PLRG1: variants seen among roughly 807,000 people sequenced by gnomAD.
PLRG1 encodes the protein pleiotropic regulator 1 (PRL1 homolog, Arabidopsis).
Under a neutral mutation model 74.9 loss-of-function variants are expected in PLRG1, and 28 were observed. The observed-to-expected ratio is 0.37, with a 90% CI of 0.28 to 0.51. PLRG1 has a LOEUF of 0.51. Ranked by LOEUF, PLRG1 falls within the 20% of genes least tolerant of loss-of-function variation. PLRG1 has a pLI of 0.91. For missense variants in PLRG1, 445 were observed against 631.9 expected, an observed-to-expected ratio of 0.70 and a Z score of 3.17; for synonymous variants, 197 against 212.4, an observed-to-expected ratio of 0.93 and a Z score of 0.63.
chr4:154,548,976 A>G (rs1377428874), intron 1 of PLRG1, 41 bp from the exon 2 acceptor site: 7 of 1,126,060 alleles, frequency 6.2e-6, no homozygotes, highest in African/African-American at 3.0e-5. Flanking sequence ...TCTACAAATT[A>G]CACAAATCAT....
chr4:154,547,081 A>C lies in PLRG1; in HGVS notation c.260-17T>G, dbSNP rs769178404. ...CTTCTTGTCCTAAAAAAACACAAAAAAAATCAACAGTAGTGAATTTACCTT... is the reference window on the plus strand; with the variant it reads ...CTTCTTGTCCTAAAAAAACACAAAACAAATCAACAGTAGTGAATTTACCTT... On this transcript the variant is annotated splice_polypyrimidine_tract_variant and intron_variant, in intron 3 of 14. Transcript: ENST00000499023. The C allele has an allele frequency of 6.3e-6, 10 of 1,594,798 alleles. No homozygotes were observed. In the East Asian group the frequency reaches 2.0e-4, roughly 32 times the overall value.
chr4:154,537,224 G>T, intron 14 of PLRG1, 62 bp downstream of exon 14: 2 of 1,003,626 alleles, frequency 2.0e-6, no homozygotes, highest in African/African-American at 1.6e-5. Context: ...ATAATTAAAT[G>T]AGAATATGCT....
rs1729664074 is a variant in PLRG1, at chr4:154,546,826, T to A, written c.313+185A>T. 3 of 586,014 alleles carry A rather than the reference T, an allele frequency of 5.1e-6. No individual in the cohort carries two copies. The South Asian group carries it at 7.0e-5, about 14-fold the overall frequency. 36.3% of individuals were successfully genotyped at this position (586,014 alleles called of 1,614,324 possible). ...AGCACATTGCCTGAAAAATTATACG[T>A]ACTTAAGAATGTTTGCTGAATGAAG... is the stretch of plus-strand genomic sequence containing the variant. On this transcript the variant is annotated intron_variant, in intron 4 of 14. Coordinates refer to ENST00000499023, the MANE Select transcript of PLRG1 (RefSeq NM_002669.4).
Position 154,550,356 on chromosome 4 carries a change from T to G in PLRG1, c.-48A>C. The G allele has an allele frequency of 6.3e-7, 1 of 1,587,602 alleles. No individual in the cohort carries two copies. The highest frequency in any genetic ancestry group is 1.7e-5 in the Admixed American group (1 of 60,012). ...CCGGCAGGGAAGAAACTCTAATCAC[T>G]AACGCAGTACCCGCCGCCACAGCTG... On this transcript the variant is annotated 5_prime_UTR_variant, in exon 1 of 15. Transcript: ENST00000499023.
intron 2 of PLRG1, 76 bp from the exon 3 acceptor site, chr4:154,547,929 C>T (rs1396112542): frequency 3.5e-6 from 4 of 1,138,024 alleles, no homozygotes; most frequent in Admixed American, 2.7e-5. Context: ...TTTGCCCATT[C>T]ACGTAGAAAA....
chr4:154,547,915 TAA>T, intron 2 of PLRG1, 62 bp from the exon 3 acceptor site: 1 of 1,268,180 alleles, frequency 7.9e-7, no homozygotes, highest in Non-Finnish European at 1.1e-6. Context: ...ACACTTAGCT[TAA>T]GTTTGCCCAT....
At chr4:154,537,644 G>T in intron 13 of PLRG1, 165 bp from the exon 14 acceptor site, 1 of 553,124 alleles carries the variant, frequency 1.8e-6, no homozygotes, top group Non-Finnish European at 3.1e-6. Context: ...ACTTTCATTT[G>T]GGCTGGGTTC....
In PLRG1 at chr4:154,535,091, AAAGTT is replaced by A. The variant is rs1411438702; in HGVS notation, c.*1589_*1593del. On this transcript the variant is annotated 3_prime_UTR_variant, in exon 15 of 15. Transcript: ENST00000499023. ...ATAGAAATATGTAAAGCCACCCATG[AAAGTT>A]CTTCCATAATTCTGCTTCCTAACAA... 1 of 152,122 alleles carries A rather than the reference AAAGTT, an allele frequency of 6.6e-6. No individual in the cohort carries two copies. Among genetic ancestry groups the A allele is most frequent in the Non-Finnish European group, 1.5e-5 (1 of 68,006 alleles). The allele number at this position is 152,122 out of a possible 1,614,324, so 9.4% of individuals were successfully genotyped here. A position where few individuals can be genotyped will look rare whatever the true frequency, so the allele number is the denominator to read the frequency against.
chr4:154,540,230 A>G, intron 10 of PLRG1, 177 bp from the exon 11 acceptor site: 1 of 587,222 alleles, frequency 1.7e-6, no homozygotes, highest in Non-Finnish European at 3.0e-6. Context: ...TAAATAGGAG[A>G]CAACTTGCAA....
chr4:154,546,403 T>C (rs1729656382), intron 4 of PLRG1, 190 bp from the exon 5 acceptor site: 2 of 562,960 alleles, frequency 3.6e-6, no homozygotes, highest in Admixed American at 3.4e-5. Flanking sequence ...TAATAACACG[T>C]AACTCAAATT....
chr4:154,545,394 T>C (rs1208402672), intron 6 of PLRG1, among the ~76,000 whole-genome samples: 2 of 152,188 alleles, frequency 1.3e-5, no homozygotes, highest in Non-Finnish European at 2.9e-5. Flanking sequence ...CCAGTTGCCA[T>C]TTACTTACAA....
chr4:154,541,004 A>G lies in PLRG1; in HGVS notation c.688-70T>C, dbSNP rs556187266. The G allele has an allele frequency of 2.7e-5, 31 of 1,148,280 alleles. No homozygotes were observed. In the South Asian group the frequency reaches 5.4e-4, roughly 20 times the overall value. 71.1% of individuals were successfully genotyped at this position (1,148,280 alleles called of 1,614,324 possible). ...AAAACAAAATTTTAGAAACCTGATT[A>G]TTAAAACTGAGCTTTCAAAGACAAA... On this transcript the variant is annotated intron_variant, in intron 8 of 14. Transcript: ENST00000499023.
chr4:154,539,918 A>G (rs751684180), intron 11 of PLRG1, 33 bp downstream of exon 11: 42 of 980,182 alleles, frequency 4.3e-5, no homozygotes, highest in Non-Finnish European at 6.3e-5. Context: ...TCTGACATGA[A>G]TATTCTGTAA....
At chr4:154,550,218 A>T in intron 1 of PLRG1, 82 bp downstream of exon 1, 2 of 1,210,372 alleles carry the variant, frequency 1.7e-6, no homozygotes, top group South Asian at 2.4e-5. Context: ...CTGGACTCCA[A>T]GTACTCTCAA....
intron 8 of PLRG1, 86 bp from the exon 9 acceptor site, chr4:154,541,020 C>G (rs1729547167): frequency 9.9e-7 from 1 of 1,005,522 alleles, no homozygotes. Flanking sequence ...ACTGAGCTTT[C>G]AAAGACAAAA....
rs773084561 is a variant in PLRG1 at position 154,538,064 on chromosome 4, T to C, written c.1196A>G (p.Lys399Arg). The change falls in exon 13 of 15, where the codon AAA (lysine) becomes AGA (arginine). Residue 399 changes from lysine (K) to arginine (R), a missense_variant. This residue lies in a region of PLRG1 where 221 missense variants were observed against 377.7 expected (regional missense o/e 0.59). Coordinates refer to ENST00000499023, the MANE Select transcript of PLRG1 (RefSeq NM_002669.4). ...SGSPDNIKQW[K>R]FPDGSFIQNL... ...TTGAATGAAACTTCCATCAGGGAAT[T>C]TCCACTGCTTTATGTTATCTGGAGA... 5 of 1,531,176 alleles carry C rather than the reference T, an allele frequency of 3.3e-6. No homozygotes were observed. The Admixed American group carries it at 6.8e-5, about 21-fold the overall frequency. The allele number at this position is 1,531,176 out of a possible 1,614,324, so 94.8% of individuals were successfully genotyped here.
At chr4:154,538,950 GA>G (rs1340195799) in intron 12 of PLRG1, 154 bp downstream of exon 12, 3 of 568,866 alleles carry the variant, frequency 5.3e-6, no homozygotes, top group Non-Finnish European at 3.2e-6. Flanking sequence ...AATAGTGCAT[GA>G]GGAAAATAAA....
intron 1 of PLRG1, chr4:154,549,655 A>C (rs973349733): frequency 2.2e-6 from 1 of 456,280 alleles, no homozygotes; most frequent in Admixed American, 2.3e-5. Context: ...AAAGGTATGA[A>C]CAACTTACGT....
intron 13 of PLRG1, among the ~76,000 whole-genome samples, 156 bp downstream of exon 13, chr4:154,537,813 G>T (rs1729478545): frequency 1.3e-5 from 2 of 152,104 alleles, no homozygotes; most frequent in South Asian, 4.1e-4. Flanking sequence ...ATATGAATAT[G>T]CATGAACACA....
Sources: allele counts gnomAD v4.1 joint callset (sites outside exome capture counted in the v4.1 genomes callset), GRCh38; gene constraint gnomAD v4.1.1; regional missense constraint gnomAD v4.1.1; transcripts MANE v1.5; gene names NCBI Gene and HGNC (gene_info 2026-07-23, HGNC 2026-07-21).